The following COL24A1 variants were observed in gnomAD, a reference collection of about 807,000 sequenced individuals.
COL24A1 encodes the protein collagen alpha-1(XXIV) chain.
In COL24A1, 224 loss-of-function variants were observed where a neutral mutation model predicts 253.9. The ratio of observed to expected loss-of-function variants is 0.88; its 90% CI spans 0.79 to 0.99. COL24A1 has a LOEUF of 0.99. COL24A1 is among the 50% of genes least tolerant of loss of function. The pLI is 0.00. For synonymous variants in COL24A1, 685 were observed against 673.7 expected (o/e 1.02, Z -0.26); for missense variants, 2,131 against 2,068.5 (o/e 1.03, Z -0.59).
intron 2 of COL24A1, among the ~76,000 whole-genome samples, chr1:86,134,890 T>C (rs1021771170): frequency 6.7e-6 from 1 of 148,644 alleles, no homozygotes; most frequent in Non-Finnish European, 1.5e-5. Flanking sequence ...CTGAGTTCAA[T>C]TCCTGGATAT....
Position 85,971,403 on chromosome 1 carries a change from C to A in COL24A1, c.2365-10G>T. ...TATTTCCAAGGAGTCCCTATAAAAG[C>A]AATATAAATGCACACAATAGAAATT... On this transcript the variant is annotated splice_polypyrimidine_tract_variant and intron_variant, in intron 20 of 59. Transcript: ENST00000370571. The A allele has an allele frequency of 6.2e-7, 1 of 1,604,610 alleles. No individual in the cohort carries two copies. The highest frequency in any genetic ancestry group is 1.3e-5 in the African/African-American group (1 of 74,488).
intron 3 of COL24A1, among the ~76,000 whole-genome samples, chr1:86,123,343 T>G (rs78700620): frequency 8.6e-5 from 13 of 151,358 alleles, no homozygotes; most frequent in African/African-American, 3.2e-4. Flanking sequence ...AAAAATACTA[T>G]TTTTTTAACC....
At chr1:86,018,501 G>A (rs1697202768) in intron 18 of COL24A1, among the ~76,000 whole-genome samples, 1 of 152,178 alleles carries the variant, frequency 6.6e-6, no homozygotes, top group Non-Finnish European at 1.5e-5. Flanking sequence ...CCCTCTAGTG[G>A]CAAAATCCAA....
chr1:85,747,287 T>C (rs1665338885), intron 55 of COL24A1, among the ~76,000 whole-genome samples: 1 of 151,734 alleles, frequency 6.6e-6, no homozygotes, highest in Non-Finnish European at 1.5e-5. Context: ...CTAATTTTTG[T>C]ATTTTTGGTA....
At chr1:85,836,737 A>G (rs1676045698) in intron 43 of COL24A1, among the ~76,000 whole-genome samples, 1 of 152,230 alleles carries the variant, frequency 6.6e-6, no homozygotes, top group Admixed American at 6.5e-5. Context: ...AGGAAGAAAT[A>G]AGACAGAAAG....
At chr1:85,881,415 G>A (rs766213463) in intron 32 of COL24A1, among the ~76,000 whole-genome samples, 18 of 151,816 alleles carry the variant, frequency 1.2e-4, no homozygotes, top group Non-Finnish European at 2.5e-4. Context: ...TCAGGAGTTT[G>A]AGACCAGCCT....
intron 5 of COL24A1, among the ~76,000 whole-genome samples, chr1:86,093,421 C>T (rs767199394): frequency 3.3e-5 from 5 of 152,078 alleles, no homozygotes; most frequent in Admixed American, 2.0e-4. Flanking sequence ...TCAGGTTTTT[C>T]GAAGATCAGA....
chr1:85,817,961 A>G, intron 46 of COL24A1, 73 bp downstream of exon 46: 1 of 1,309,786 alleles, frequency 7.6e-7, no homozygotes, highest in Non-Finnish European at 1.1e-6. Flanking sequence ...AATTGGCCCC[A>G]AACTTTTCTG....
At chr1:86,147,792 T>C (rs1417915567) in intron 1 of COL24A1, among the ~76,000 whole-genome samples, 2 of 152,264 alleles carry the variant, frequency 1.3e-5, no homozygotes, top group Admixed American at 6.5e-5. Context: ...TACATCTAAA[T>C]TGATTTTACT....
chr1:86,068,159 C>T (rs1221967811), intron 7 of COL24A1, among the ~76,000 whole-genome samples: 1 of 152,224 alleles, frequency 6.6e-6, no homozygotes, highest in Non-Finnish European at 1.5e-5. Flanking sequence ...CAACTATCCA[C>T]ACACAGAAAA....
At chr1:86,053,352 A>G (rs1700452583) in intron 10 of COL24A1, among the ~76,000 whole-genome samples, 1 of 152,106 alleles carries the variant, frequency 6.6e-6, no homozygotes, top group African/African-American at 2.4e-5. Context: ...ACAGAGTGTA[A>G]AGGGAACATT....
intron 32 of COL24A1, among the ~76,000 whole-genome samples, chr1:85,880,941 G>A (rs1402259411): frequency 1.3e-5 from 2 of 152,084 alleles, no homozygotes; most frequent in East Asian, 3.9e-4. Flanking sequence ...TTTTGTTGAG[G>A]ATTTTACATC....
chr1:85,858,967 G>A (rs773187754), intron 37 of COL24A1, among the ~76,000 whole-genome samples: 13 of 151,970 alleles, frequency 8.6e-5, no homozygotes, highest in Non-Finnish European at 1.2e-4. Flanking sequence ...TGAACTCCAC[G>A]GCCCAAGTGG....
In COL24A1 at chr1:85,841,825, C is replaced by A. The variant is rs183936604; in HGVS notation, c.3570+243G>T. The stretch of plus-strand genomic sequence containing the variant: ...AATAATTAATTTTACTCTTACAAAG[C>A]TCTACAAATATTTTCACATATATTA... On this transcript the variant is annotated intron_variant, in intron 41 of 59. Transcript: ENST00000370571. Among the ~76,000 whole-genome samples the A allele has an allele frequency of 2.2e-3, 331 of 152,226 alleles. 9 individuals are homozygous for A. The South Asian group carries it at 0.052, about 24-fold the overall frequency.
At chr1:85,866,738 C>A (rs1440122705) in intron 37 of COL24A1, among the ~76,000 whole-genome samples, 1 of 152,120 alleles carries the variant, frequency 6.6e-6, no homozygotes, top group African/African-American at 2.4e-5. Flanking sequence ...CATGCCATTG[C>A]ACTCCAGCCT....
At chr1:85,867,873 T>G (rs1251363761) in intron 37 of COL24A1, among the ~76,000 whole-genome samples, 1 of 152,080 alleles carries the variant, frequency 6.6e-6, no homozygotes, top group African/African-American at 2.4e-5. Flanking sequence ...GCCTCCTGAG[T>G]AGCTGGGATT....
intron 7 of COL24A1, among the ~76,000 whole-genome samples, chr1:86,076,866 G>A (rs147138527): frequency 6.6e-6 from 1 of 152,288 alleles, no homozygotes; most frequent in East Asian, 1.9e-4. Context: ...AGACTTAAAT[G>A]TTAGACCTGA....
intron 47 of COL24A1, among the ~76,000 whole-genome samples, chr1:85,790,364 T>C (rs313716): frequency 0.89 from 135,336 of 152,018 alleles, 60,472 homozygotes; most frequent in Non-Finnish European, 0.93. Flanking sequence ...TATTCTCTGA[T>C]GGTTGTTTGT....
intron 31 of COL24A1, 97 bp from the exon 32 acceptor site, chr1:85,889,710 A>T (rs1682903954): frequency 2.0e-6 from 2 of 1,001,760 alleles, no homozygotes; most frequent in Non-Finnish European, 3.1e-6. Context: ...CTTCCACCCA[A>T]CTTTTCTGTC....
Sources: allele counts gnomAD v4.1 joint callset (sites outside exome capture counted in the v4.1 genomes callset), GRCh38; gene constraint gnomAD v4.1.1; transcripts MANE v1.5; gene names NCBI Gene and HGNC (gene_info 2026-07-23, HGNC 2026-07-21).